LYPD6: variants seen among roughly 807,000 people sequenced by gnomAD.
The protein encoded by LYPD6 is ly6/PLAUR domain-containing protein 6.
Under a neutral mutation model 22.7 loss-of-function variants are expected in LYPD6, and 15 were observed. That is an observed-to-expected ratio of 0.66 (90% CI 0.44 to 1.02). LYPD6 has a LOEUF of 1.02. Ranked by LOEUF, LYPD6 falls within the 50% of genes least tolerant of loss-of-function variation. The probability of loss-of-function intolerance (pLI) is 0.00; values close to 1 mark genes in which losing one functional copy is unlikely to be tolerated. For missense variants in LYPD6, 189 were observed against 208.4 expected (o/e 0.91, Z 0.57); for synonymous variants, 72 against 77.5 (o/e 0.93, Z 0.37).
At chr2:149,378,611 G>A (rs1681987715) in intron 1 of LYPD6, among the ~76,000 whole-genome samples, 1 of 152,168 alleles carries the variant, frequency 6.6e-6, no homozygotes. Context: ...CGTTTGTACA[G>A]ATCGTTTAAA....
chr2:149,432,575 T>C (rs1433772714), intron 1 of LYPD6, among the ~76,000 whole-genome samples: 1 of 152,194 alleles, frequency 6.6e-6, no homozygotes, highest in Non-Finnish European at 1.5e-5. Flanking sequence ...ATGACTTGTC[T>C]CTTTCTCCTT....
intron 2 of LYPD6, chr2:149,440,550 A>T (rs991150598): frequency 6.6e-6 from 1 of 152,144 alleles, no homozygotes; most frequent in African/African-American, 2.4e-5. Flanking sequence ...TTATAAGTAG[A>T]TGATTCACCA....
chr2:149,339,018 A>T (rs1364634115), intron 1 of LYPD6, among the ~76,000 whole-genome samples: 1 of 152,184 alleles, frequency 6.6e-6, no homozygotes, highest in Admixed American at 6.5e-5. Context: ...AGTGCCCAGG[A>T]CTTTGAGTGA....
intron 1 of LYPD6, among the ~76,000 whole-genome samples, chr2:149,407,946 C>G (rs1682759734): frequency 1.3e-5 from 2 of 152,200 alleles, no homozygotes; most frequent in Admixed American, 6.5e-5. Flanking sequence ...AGTTTTCCTT[C>G]TAACAGACAG....
chr2:149,366,485 A>G (rs987027333), intron 1 of LYPD6, among the ~76,000 whole-genome samples: 4 of 152,166 alleles, frequency 2.6e-5, no homozygotes, highest in Non-Finnish European at 5.9e-5. Flanking sequence ...TGTTTTTACA[A>G]GAGAACCAGA....
At chr2:149,352,715 A>T (rs1027431566) in intron 1 of LYPD6, among the ~76,000 whole-genome samples, 4 of 152,248 alleles carry the variant, frequency 2.6e-5, no homozygotes, top group Non-Finnish European at 4.4e-5. Context: ...TAATTGGGAC[A>T]GAGATCACTT....
In LYPD6 at chr2:149,470,531, C is replaced by G. The variant is rs1235561459; in HGVS notation, c.349-152C>G. On this transcript the variant is annotated intron_variant, in intron 4 of 4. Coordinates refer to ENST00000334166, the MANE Select transcript of LYPD6 (RefSeq NM_194317.5). ...ATTGCTTCTAGAAGAAATATTATCC[C>G]CAGCCTTCCTGAACGTAGAGTTGGC... 6.3e-6 allele frequency: 4 copies of G among 630,164 alleles called. No individual in the cohort carries two copies. The Admixed American group carries it at 8.7e-5, about 14-fold the overall frequency. The allele number at this position is 630,164 out of a possible 1,614,324, so 39.0% of individuals were successfully genotyped here. A position where few individuals can be genotyped will look rare whatever the true frequency, so the allele number is the denominator to read the frequency against.
chr2:149,454,854 G>A (rs1218073823), intron 3 of LYPD6, among the ~76,000 whole-genome samples: 2 of 152,090 alleles, frequency 1.3e-5, no homozygotes, highest in East Asian at 1.9e-4. Context: ...CATCAGTCTC[G>A]CTTCTCTGAA....
intron 1 of LYPD6, among the ~76,000 whole-genome samples, chr2:149,400,281 G>T (rs1454742855): frequency 6.6e-6 from 1 of 152,238 alleles, no homozygotes; most frequent in Non-Finnish European, 1.5e-5. Context: ...GGGTAATGAA[G>T]ACATGGATTT....
At chr2:149,380,465 A>G (rs1056046138) in intron 1 of LYPD6, among the ~76,000 whole-genome samples, 3 of 152,198 alleles carry the variant, frequency 2.0e-5, no homozygotes, top group Admixed American at 6.5e-5. Flanking sequence ...AGGTTTGCAT[A>G]TGGTAAGTTG....
rs112918428 is a variant in LYPD6, at chr2:149,426,306, G to A, written c.-71-11332G>A. Among the ~76,000 whole-genome samples, 156 of 152,250 alleles carry A rather than the reference G, an allele frequency of 1.0e-3. 1 individual carries two copies. The highest frequency in any genetic ancestry group is 3.7e-3 in the African/African-American group (155 of 41,556). On this transcript the variant is annotated intron_variant, in intron 1 of 4. Transcript: ENST00000334166. ...CTCACGGTTTTTGGACAAATATTTG[G>A]TCAGGATTCTTGGAACCATGGGAAA...
At chr2:149,398,635 G>A (rs559597540) in intron 1 of LYPD6, among the ~76,000 whole-genome samples, 36 of 152,040 alleles carry the variant, frequency 2.4e-4, no homozygotes, top group Non-Finnish European at 1.5e-5. Flanking sequence ...AGCTAGACCT[G>A]CTCCAGCCCT....
chr2:149,401,172 T>A (rs1275396885), intron 1 of LYPD6, among the ~76,000 whole-genome samples: 1 of 152,156 alleles, frequency 6.6e-6, no homozygotes, highest in African/African-American at 2.4e-5. Context: ...TGGCTTCCAC[T>A]TACGTCTCAT....
chr2:149,429,248 G>C (rs1683260900), intron 1 of LYPD6, among the ~76,000 whole-genome samples: 1 of 152,154 alleles, frequency 6.6e-6, no homozygotes, highest in African/African-American at 2.4e-5. Context: ...CTTTCTTAGA[G>C]CTTTTCTTGA....
chr2:149,470,035 C>G (rs1681295619), intron 4 of LYPD6, among the ~76,000 whole-genome samples: 1 of 152,162 alleles, frequency 6.6e-6, no homozygotes. Context: ...AACAAACTCC[C>G]AGCTGATGTT....
intron 1 of LYPD6, among the ~76,000 whole-genome samples, chr2:149,397,254 G>T (rs1682447355): frequency 6.6e-6 from 1 of 152,152 alleles, no homozygotes; most frequent in Non-Finnish European, 1.5e-5. Flanking sequence ...CATGGTTGGA[G>T]TCAGATAGCA....
At chr2:149,436,910 G>A (rs944772366) in intron 1 of LYPD6, among the ~76,000 whole-genome samples, 1 of 152,174 alleles carries the variant, frequency 6.6e-6, no homozygotes, top group African/African-American at 2.4e-5. Flanking sequence ...CCTTAAGTCA[G>A]TCTTAAGAAC....
At chr2:149,399,722 A>AAG in intron 1 of LYPD6, among the ~76,000 whole-genome samples, 2 of 150,344 alleles carry the variant, frequency 1.3e-5, no homozygotes, top group African/African-American at 4.9e-5. Context: ...AATTATAAGT[A>AAG]TATGGATAAA....
chr2:149,400,557 G>T (rs1461491519), intron 1 of LYPD6, among the ~76,000 whole-genome samples: 5 of 152,158 alleles, frequency 3.3e-5, no homozygotes. Flanking sequence ...TTTTTTGGAG[G>T]AAACTGCAAA....
Sources: gnomAD v4.1 joint callset for allele counts (sites outside exome capture counted in the v4.1 genomes callset) on GRCh38, gnomAD v4.1.1 for gene constraint, MANE v1.5 for transcripts, NCBI Gene and HGNC (gene_info 2026-07-23, HGNC 2026-07-21) for gene names.